DMD: variants seen among roughly 807,000 people sequenced by gnomAD.
The protein encoded by DMD is mutant dystrophin.
In DMD, 63 loss-of-function variants were observed where a neutral mutation model predicts 330.1. That is an observed-to-expected ratio of 0.19 (90% CI 0.16 to 0.24). The LOEUF is 0.24. Ranked by LOEUF, DMD falls within the 10% of genes least tolerant of loss-of-function variation. DMD has a pLI of 1.00. For synonymous variants in DMD, 1,223 were observed against 959.8 expected (o/e 1.27, Z -5.07); for missense variants, 3,344 against 2,684.1 (o/e 1.25, Z -5.43).
At chrX:33,086,149 C>T (rs756707121) in intron 1 of DMD, among the ~76,000 whole-genome samples, 1 of 111,108 alleles carries the variant, frequency 9.0e-6, no homozygotes, top group African/African-American at 3.3e-5. Context: ...AGGAAAATAT[C>T]CCTGATTATC....
intron 44 of DMD, among the ~76,000 whole-genome samples, chrX:32,060,482 G>A (rs1200658896): frequency 9.0e-6 from 1 of 111,245 alleles, no homozygotes; most frequent in Non-Finnish European, 1.9e-5. Flanking sequence ...TTCATTTAAA[G>A]CACGAGATTG....
At chrX:31,482,279 G>A (rs2068367017) in intron 57 of DMD, among the ~76,000 whole-genome samples, 1 of 109,018 alleles carries the variant, frequency 9.2e-6, no homozygotes, top group East Asian at 2.9e-4. Context: ...AAGGGACTGT[G>A]ATATGCTCAG....
intron 34 of DMD, among the ~76,000 whole-genome samples, chrX:32,368,157 C>T (rs991239712): frequency 2.7e-5 from 3 of 111,546 alleles, no homozygotes; most frequent in Admixed American, 9.6e-5. Flanking sequence ...TACTAATTGA[C>T]CAATGTATAT....
chrX:31,313,919 C>T (rs888591962), intron 62 of DMD, among the ~76,000 whole-genome samples: 1 of 108,079 alleles, frequency 9.3e-6, no homozygotes, highest in African/African-American at 3.4e-5. Context: ...CTGCAACCTC[C>T]GCCTCCCTGG....
At chrX:32,357,231 T>C (rs1429322803) in intron 37 of DMD, among the ~76,000 whole-genome samples, 1 of 111,823 alleles carries the variant, frequency 8.9e-6, no homozygotes, top group Non-Finnish European at 1.9e-5. Flanking sequence ...TCAATCAGAG[T>C]TAAATTTGGA....
intron 47 of DMD, among the ~76,000 whole-genome samples, chrX:31,891,202 T>C (rs777892469): frequency 8.9e-6 from 1 of 111,850 alleles, no homozygotes; most frequent in South Asian, 3.7e-4. Context: ...TATGTGAAGT[T>C]GTAGCTTTAC....
At chrX:31,456,173 A>G (rs916172833) in intron 59 of DMD, among the ~76,000 whole-genome samples, 2 of 112,220 alleles carry the variant, frequency 1.8e-5, no homozygotes, top group African/African-American at 6.5e-5. Flanking sequence ...TTAGACTGTA[A>G]CGAAGTTCAT....
At chrX:32,952,875 C>T (rs1252503358) in intron 2 of DMD, among the ~76,000 whole-genome samples, 1 of 110,427 alleles carries the variant, frequency 9.1e-6, no homozygotes, top group Non-Finnish European at 1.9e-5. Context: ...TGGCTCACAC[C>T]TGTAATCACA....
At chrX:32,112,057 T>C (rs1288746714) in intron 44 of DMD, among the ~76,000 whole-genome samples, 1 of 111,790 alleles carries the variant, frequency 8.9e-6, no homozygotes, top group Non-Finnish European at 1.9e-5. Flanking sequence ...ATAGAATGCA[T>C]TTATCGAGCT....
chrX:32,468,735 T>C lies in DMD; in HGVS notation c.2950-25A>G, dbSNP rs766411443. On this transcript the variant is annotated intron_variant, in intron 22 of 78. Coordinates refer to ENST00000357033, the MANE Select transcript of DMD (RefSeq NM_004006.3). Reference sequence around the variant, plus strand: ...CCTAAAAAACAATTTTTTAAATACATTTACCCTAATTGATGAATAATAATT... The same window carrying C: ...CCTAAAAAACAATTTTTTAAATACACTTACCCTAATTGATGAATAATAATT... The C allele has an allele frequency of 3.6e-6, 4 of 1,108,245 alleles. No individual in the cohort carries two copies. The South Asian group carries it at 7.5e-5, about 21-fold the overall frequency. 91.3% of individuals were successfully genotyped at this position (1,108,245 alleles called of 1,213,427 possible).
chrX:32,292,349 G>A (rs1313504966), intron 42 of DMD, among the ~76,000 whole-genome samples: 2 of 83,484 alleles, frequency 2.4e-5, no homozygotes, highest in African/African-American at 9.9e-5. Flanking sequence ...CACCCAGGCT[G>A]GAGTGCAGTG....
At chrX:32,706,768 T>C (rs889785540) in intron 7 of DMD, among the ~76,000 whole-genome samples, 1 of 110,902 alleles carries the variant, frequency 9.0e-6, no homozygotes, top group African/African-American at 3.3e-5. Context: ...ATCCAGTAAA[T>C]AATGGTAGCT....
At chrX:32,495,650 C>A (rs1569564872) in intron 19 of DMD, among the ~76,000 whole-genome samples, 1 of 111,635 alleles carries the variant, frequency 9.0e-6, no homozygotes, top group Non-Finnish European at 1.9e-5. Context: ...TAAAACCTTT[C>A]TAGAATGAAA....
Position 31,938,956 on chromosome X carries a change from C to A in DMD, c.6615-6729G>T, listed in dbSNP as rs188495929. Among the ~76,000 whole-genome samples the A allele has an allele frequency of 1.6e-3, 173 of 110,976 alleles. 1 individual carries two copies. Among genetic ancestry groups the A allele is most frequent in the Middle Eastern group, 9.2e-3 (2 of 217 alleles). On this transcript the variant is annotated intron_variant, in intron 45 of 78. Coordinates refer to ENST00000357033, the MANE Select transcript of DMD (RefSeq NM_004006.3). ...GTGTCTGTGTGTGTGTGTTTTTGCC[C>A]TCCTCTATCAGGTTTACTTCTACAA...
intron 49 of DMD, among the ~76,000 whole-genome samples, chrX:31,828,518 G>C (rs2092941518): frequency 9.1e-6 from 1 of 109,643 alleles, no homozygotes; most frequent in Non-Finnish European, 1.9e-5. Context: ...ACAAAAATTA[G>C]CTGGGCGTGG....
At chrX:32,335,896 T>TTA (rs1408244009) in intron 41 of DMD, among the ~76,000 whole-genome samples, 3 of 105,534 alleles carry the variant, frequency 2.8e-5, no homozygotes, top group Non-Finnish European at 3.9e-5. Context: ...ATATAACATG[T>TTA]TATACATATA....
intron 1 of DMD, among the ~76,000 whole-genome samples, chrX:33,269,087 G>C (rs747844602): frequency 4.9e-4 from 54 of 110,734 alleles, no homozygotes; most frequent in Non-Finnish European, 5.8e-4. Context: ...CCATTACTGA[G>C]TATATACCCA....
chrX:31,417,513 G>C (rs1305022698), intron 60 of DMD, among the ~76,000 whole-genome samples: 1 of 109,670 alleles, frequency 9.1e-6, no homozygotes, highest in Non-Finnish European at 1.9e-5. Flanking sequence ...ATGGCACCAA[G>C]CCTATAATTT....
intron 76 of DMD, among the ~76,000 whole-genome samples, chrX:31,138,673 GA>G (rs1222085287): frequency 4.1e-5 from 3 of 73,748 alleles, no homozygotes; most frequent in African/African-American, 1.5e-4. Context: ...GAGAGAGAGA[GA>G]GAGAGAGAGA....
Sources: allele counts gnomAD v4.1 joint callset (sites outside exome capture counted in the v4.1 genomes callset), GRCh38; gene constraint gnomAD v4.1.1; transcripts MANE v1.5; gene names NCBI Gene and HGNC (gene_info 2026-07-23, HGNC 2026-07-21).